The following LRRTM4 variants were observed in gnomAD, a reference collection of about 807,000 sequenced individuals.
LRRTM4 encodes leucine-rich repeat transmembrane neuronal protein 4.
LRRTM4 carries 25 observed loss-of-function variants against 47.6 expected under a neutral mutation model. The observed-to-expected ratio is 0.53, with a 90% CI of 0.38 to 0.73. LRRTM4 has a LOEUF of 0.73. Ranked by LOEUF, LRRTM4 falls within the 30% of genes least tolerant of loss-of-function variation. The pLI is 0.00. For synonymous variants in LRRTM4, 311 were observed against 269.5 expected, an observed-to-expected ratio of 1.15 and a Z score of -1.51; for missense variants, 638 against 713.4, an observed-to-expected ratio of 0.89 and a Z score of 1.20.
chr2:77,516,283 T>C (rs1337854118), intron 3 of LRRTM4, among the ~76,000 whole-genome samples: 1 of 151,928 alleles, frequency 6.6e-6, no homozygotes. Flanking sequence ...ATGTGTTTAT[T>C]TAAACACACG....
chr2:77,210,076 G>C (rs1028828987), intron 3 of LRRTM4, among the ~76,000 whole-genome samples: 3 of 152,238 alleles, frequency 2.0e-5, no homozygotes, highest in African/African-American at 4.8e-5. Context: ...ATTATACCAA[G>C]ACCTATTTTA....
intron 3 of LRRTM4, among the ~76,000 whole-genome samples, chr2:76,792,282 T>G (rs1675015431): frequency 6.6e-6 from 1 of 152,010 alleles, no homozygotes; most frequent in Non-Finnish European, 1.5e-5. Context: ...CCTTCACTGT[T>G]TAAGATGAAA....
intron 3 of LRRTM4, among the ~76,000 whole-genome samples, chr2:77,290,505 A>G (rs1230148642): frequency 1.3e-5 from 2 of 152,010 alleles, no homozygotes; most frequent in African/African-American, 4.8e-5. Context: ...GGTCAACTAC[A>G]GTTAACAAAA....
chr2:77,273,164 T>A (rs943908077), intron 3 of LRRTM4, among the ~76,000 whole-genome samples: 3 of 152,168 alleles, frequency 2.0e-5, no homozygotes, highest in Non-Finnish European at 4.4e-5. Context: ...AATGGAAGAT[T>A]TCCTTCTGAA....
At chr2:77,273,812 T>C (rs192849377) in intron 3 of LRRTM4, among the ~76,000 whole-genome samples, 1 of 152,298 alleles carries the variant, frequency 6.6e-6, no homozygotes, top group Admixed American at 6.5e-5. Context: ...CTGTTAATCA[T>C]ATATTTATCA....
chr2:77,270,575 T>C (rs947826013), intron 3 of LRRTM4, among the ~76,000 whole-genome samples: 2 of 152,232 alleles, frequency 1.3e-5, no homozygotes, highest in African/African-American at 4.8e-5. Context: ...AGGTCTTCTT[T>C]CGTAATCTCT....
intron 3 of LRRTM4, among the ~76,000 whole-genome samples, chr2:77,270,994 G>A (rs1345197418): frequency 6.6e-6 from 1 of 152,212 alleles, no homozygotes; most frequent in Non-Finnish European, 1.5e-5. Flanking sequence ...AGTCGGTAGA[G>A]GGAGAGACAG....
At chr2:77,263,713 A>G (rs1675977906) in intron 3 of LRRTM4, among the ~76,000 whole-genome samples, 1 of 152,070 alleles carries the variant, frequency 6.6e-6, no homozygotes, top group African/African-American at 2.4e-5. Flanking sequence ...GTCACTGATG[A>G]TGTTCTTCTT....
intron 3 of LRRTM4, among the ~76,000 whole-genome samples, chr2:77,341,780 G>T (rs1671381128): frequency 6.6e-6 from 1 of 151,948 alleles, no homozygotes; most frequent in Non-Finnish European, 1.5e-5. Flanking sequence ...GGCATGGATG[G>T]GAGTTTCTCA....
In LRRTM4 at chr2:76,756,330, T is replaced by A. The variant is rs138718483; in HGVS notation, c.1552-7414A>T. ...TTCTGACTTTTTTGGGCCAAACCAATGAATGACCTCCATGTATTGATTCAT... is the reference window on the plus strand; with the variant it reads ...TTCTGACTTTTTTGGGCCAAACCAAAGAATGACCTCCATGTATTGATTCAT... On this transcript the variant is annotated intron_variant, in intron 3 of 3. Coordinates refer to ENST00000409884, the MANE Select transcript of LRRTM4 (RefSeq NM_001134745.3). 1.1e-4 allele frequency among the ~76,000 whole-genome samples: 16 copies of A among 152,266 alleles called. No individual in the cohort carries two copies. The East Asian group carries it at 3.1e-3, about 29-fold the overall frequency.
At chr2:76,952,951 T>C (rs1675545327) in intron 3 of LRRTM4, among the ~76,000 whole-genome samples, 1 of 151,808 alleles carries the variant, frequency 6.6e-6, no homozygotes, top group African/African-American at 2.4e-5. Flanking sequence ...TACTGCCTGT[T>C]CTCCCTTATA....
At chr2:77,046,840 T>G (rs1415239725) in intron 3 of LRRTM4, among the ~76,000 whole-genome samples, 1 of 151,994 alleles carries the variant, frequency 6.6e-6, no homozygotes, top group Non-Finnish European at 1.5e-5. Flanking sequence ...TTGAAGAGTT[T>G]GAAGTATTCA....
rs1295333932 is a variant in LRRTM4 at position 76,748,798 on chromosome 2, T to C, written c.1670A>G (p.Gln557Arg). Residue 557 changes from glutamine to arginine, a missense_variant, in exon 4 of 4, where the codon CAG (glutamine) becomes CGG (arginine). Gln to Arg is a conservative substitution (Grantham distance 43). Transcript: ENST00000409884. ...TKGYETVSPE[Q>R]DESPGLELGR... The stretch of plus-strand genomic sequence containing the variant: ...CAGCTCCAGGCCGGGGCTTTCGTCC[T>C]GCTCTGGAGACACTGTCTCATAGCC... The C allele has an allele frequency of 3.7e-6, 6 of 1,614,060 alleles. No individual in the cohort carries two copies. The highest frequency in any genetic ancestry group is 5.1e-6 in the Non-Finnish European group (6 of 1,179,902).
At chr2:77,147,570 C>T (rs1672293094) in intron 3 of LRRTM4, among the ~76,000 whole-genome samples, 1 of 152,174 alleles carries the variant, frequency 6.6e-6, no homozygotes, top group Non-Finnish European at 1.5e-5. Flanking sequence ...CTCTTCTATA[C>T]TTCCCCAAAT....
Position 77,519,673 on chromosome 2 carries a change from A to G in LRRTM4, c.196T>C (p.Leu66=), listed in dbSNP as rs775751336. 2 of 1,613,346 alleles carry G rather than the reference A, an allele frequency of 1.2e-6. No homozygotes were observed. The highest frequency in any genetic ancestry group is 2.7e-5 in the African/African-American group (2 of 74,868). Residue 66 remains leucine, a synonymous_variant, in exon 3 of 4, where the codon TTA becomes CTA. Transcript: ENST00000409884. This position sits in a 1 kb window ranked among gnomAD's most constrained non-coding sequence, Gnocchi z 4.6. ...PENISGGSQG[L]SLRFNSIQKL... is the part of the protein sequence containing the mutation. ...TGAATGCTGTTGAACCTTAATGATAAGCCTTGTGACCCTCCAGAAATGTTC... is the reference window on the plus strand; with the variant it reads ...TGAATGCTGTTGAACCTTAATGATAGGCCTTGTGACCCTCCAGAAATGTTC...
chr2:77,313,669 T>C (rs1178665197), intron 3 of LRRTM4, among the ~76,000 whole-genome samples: 1 of 152,166 alleles, frequency 6.6e-6, no homozygotes, highest in Non-Finnish European at 1.5e-5. Flanking sequence ...TGTTAATCAA[T>C]TGTTATGATC....
At chr2:77,319,111 G>C (rs1029469569) in intron 3 of LRRTM4, among the ~76,000 whole-genome samples, 1 of 152,146 alleles carries the variant, frequency 6.6e-6, no homozygotes, top group South Asian at 2.1e-4. Flanking sequence ...TGGGATGGGC[G>C]TGGTGGCTCA....
intron 3 of LRRTM4, among the ~76,000 whole-genome samples, chr2:76,768,840 A>C (rs1406998226): frequency 6.6e-6 from 1 of 152,136 alleles, no homozygotes; most frequent in Non-Finnish European, 1.5e-5. Flanking sequence ...ACCGGTAAAT[A>C]TTTCTGAATG....
At chr2:77,469,105 G>A (rs1227865515) in intron 3 of LRRTM4, among the ~76,000 whole-genome samples, 1 of 152,216 alleles carries the variant, frequency 6.6e-6, no homozygotes, top group Non-Finnish European at 1.5e-5. Flanking sequence ...TTAAAGGAAG[G>A]ATAGAAGACA....
Sources: gnomAD v4.1 joint callset for allele counts (sites outside exome capture counted in the v4.1 genomes callset) on GRCh38, gnomAD v4.1.1 for gene constraint, Gnocchi (gnomAD v3.1) non-coding constraint, MANE v1.5 for transcripts, NCBI Gene and HGNC (gene_info 2026-07-23, HGNC 2026-07-21) for gene names.